SUCLG2: variants seen among roughly 807,000 people sequenced by gnomAD.
SUCLG2 encodes the protein succinate--CoA ligase [GDP-forming] subunit beta, mitochondrial.
In SUCLG2, 42 loss-of-function variants were observed where a neutral mutation model predicts 47.9. The observed-to-expected ratio is 0.88, with a 90% CI of 0.69 to 1.14. SUCLG2 has a LOEUF of 1.14. Among genes scored for constraint, SUCLG2 ranks in the 50% most tolerant of loss-of-function variants. The pLI is 0.00. For synonymous variants in SUCLG2, 195 were observed against 197.3 expected (o/e 0.99, Z 0.10); for missense variants, 571 against 525.9 (o/e 1.09, Z -0.84).
intron 10 of SUCLG2, among the ~76,000 whole-genome samples, chr3:67,362,883 C>T (rs1701824896): frequency 1.3e-5 from 2 of 152,162 alleles, no homozygotes; most frequent in Non-Finnish European, 2.9e-5. Context: ...GTAGTCCAGC[C>T]TGCTTGCCTC....
At chr3:67,613,097 C>T (rs1700561199) in intron 1 of SUCLG2, among the ~76,000 whole-genome samples, 1 of 152,200 alleles carries the variant, frequency 6.6e-6, no homozygotes. Context: ...ACCTTGTCCT[C>T]TTAAGATTTT....
intron 10 of SUCLG2, among the ~76,000 whole-genome samples, chr3:67,392,831 T>C (rs187441188): frequency 2.0e-5 from 3 of 152,040 alleles, no homozygotes; most frequent in Admixed American, 6.5e-5. Flanking sequence ...ACTTTTTTTT[T>C]TGAGATGGGG....
intron 9 of SUCLG2, among the ~76,000 whole-genome samples, chr3:67,462,893 C>T (rs1214275440): frequency 6.6e-6 from 1 of 152,126 alleles, no homozygotes; most frequent in African/African-American, 2.4e-5. Flanking sequence ...TAGAGGATGC[C>T]CAGCTAGTGT....
intron 10 of SUCLG2, among the ~76,000 whole-genome samples, chr3:67,364,750 C>G (rs1027237701): frequency 6.6e-6 from 1 of 152,104 alleles, no homozygotes; most frequent in African/African-American, 2.4e-5. Flanking sequence ...TCCACAATGT[C>G]CAAGTTTCAA....
intron 1 of SUCLG2, among the ~76,000 whole-genome samples, chr3:67,643,863 G>C (rs1380028289): frequency 1.3e-5 from 2 of 152,224 alleles, no homozygotes; most frequent in South Asian, 4.1e-4. Flanking sequence ...TTTTAGTAGA[G>C]ATGGAGTTTC....
intron 9 of SUCLG2, among the ~76,000 whole-genome samples, chr3:67,487,658 C>T (rs1018636149): frequency 1.2e-4 from 18 of 152,136 alleles, no homozygotes; most frequent in African/African-American, 4.1e-4. Flanking sequence ...AAAAATGCTA[C>T]CTCTCCTGTT....
At chr3:67,386,654 G>A (rs1322881415) in intron 10 of SUCLG2, among the ~76,000 whole-genome samples, 1 of 152,118 alleles carries the variant, frequency 6.6e-6, no homozygotes, top group Non-Finnish European at 1.5e-5. Flanking sequence ...ATCTTGTGAG[G>A]CTTATTCACT....
intron 2 of SUCLG2, among the ~76,000 whole-genome samples, chr3:67,574,517 T>G (rs2107243506): frequency 6.6e-6 from 1 of 152,332 alleles, no homozygotes; most frequent in Non-Finnish European, 1.5e-5. Flanking sequence ...ATAGCACAAT[T>G]TTAACTTAGA....
chr3:67,493,652 G>A (rs1705257812), intron 9 of SUCLG2, among the ~76,000 whole-genome samples: 1 of 152,058 alleles, frequency 6.6e-6, no homozygotes, highest in Non-Finnish European at 1.5e-5. Context: ...TTTGCACAGA[G>A]TTTCAGTAGA....
chr3:67,600,342 A>C (rs1708391194), intron 2 of SUCLG2, among the ~76,000 whole-genome samples: 1 of 152,240 alleles, frequency 6.6e-6, no homozygotes, highest in South Asian at 2.1e-4. Flanking sequence ...AATCCAAAAA[A>C]AGAAGAAAAA....
intron 3 of SUCLG2, 140 bp downstream of exon 3, chr3:67,528,941 CCCTCTA>C: frequency 5.1e-6 from 3 of 582,742 alleles, no homozygotes; most frequent in Non-Finnish European, 8.9e-6. Context: ...ACTGCCAGAG[CCCTCTA>C]CCTATGATTT....
At chr3:67,392,818 T>G (rs1559508704) in intron 10 of SUCLG2, among the ~76,000 whole-genome samples, 1 of 142,858 alleles carries the variant, frequency 7.0e-6, no homozygotes, top group African/African-American at 2.8e-5. Flanking sequence ...TAGTAGTCAC[T>G]GTACTTTTTT....
chr3:67,592,292 T>C (rs1708182353), intron 2 of SUCLG2, among the ~76,000 whole-genome samples: 1 of 152,208 alleles, frequency 6.6e-6, no homozygotes, highest in Non-Finnish European at 1.5e-5. Context: ...AACAAATCTG[T>C]GTTCATCATT....
At chr3:67,431,466 T>C (rs1575690875) in intron 9 of SUCLG2, among the ~76,000 whole-genome samples, 1 of 152,088 alleles carries the variant, frequency 6.6e-6, no homozygotes, top group South Asian at 2.1e-4. Context: ...CTATTCACAA[T>C]AGCAAAGACT....
chr3:67,377,344 A>C (rs910228292), intron 10 of SUCLG2, among the ~76,000 whole-genome samples: 1 of 152,224 alleles, frequency 6.6e-6, no homozygotes, highest in Admixed American at 6.5e-5. Flanking sequence ...AAATGAAATG[A>C]GTGTAAAAGC....
At chr3:67,441,482 T>G (rs768682570) in intron 9 of SUCLG2, among the ~76,000 whole-genome samples, 2 of 152,168 alleles carry the variant, frequency 1.3e-5, no homozygotes, top group Non-Finnish European at 2.9e-5. Context: ...TGTCTGCGTG[T>G]GAGCTTGAAA....
chr3:67,406,324 G>A (rs1368211565), intron 9 of SUCLG2, among the ~76,000 whole-genome samples: 1 of 152,106 alleles, frequency 6.6e-6, no homozygotes, highest in African/African-American at 2.4e-5. Flanking sequence ...CAGTAGCTAA[G>A]CCAGCAAGAA....
At chr3:67,436,874 A>G (rs1255921894) in intron 9 of SUCLG2, among the ~76,000 whole-genome samples, 1 of 152,178 alleles carries the variant, frequency 6.6e-6, no homozygotes, top group Non-Finnish European at 1.5e-5. Context: ...TGTTTTTCAA[A>G]TGTTACCTGT....
intron 9 of SUCLG2, among the ~76,000 whole-genome samples, chr3:67,480,493 T>C (rs1460026964): frequency 6.6e-6 from 1 of 152,178 alleles, no homozygotes; most frequent in African/African-American, 2.4e-5. Flanking sequence ...CATGGAGTCA[T>C]GGAAACCTAG....
Sources: gnomAD v4.1 joint callset for allele counts (sites outside exome capture counted in the v4.1 genomes callset) on GRCh38, gnomAD v4.1.1 for gene constraint, MANE v1.5 for transcripts, NCBI Gene and HGNC (gene_info 2026-07-23, HGNC 2026-07-21) for gene names.